NBEA: variants seen among roughly 807,000 people sequenced by gnomAD.
NBEA encodes the protein neurobeachin.
NBEA carries 44 observed loss-of-function variants against 343.4 expected under a neutral mutation model. That is an observed-to-expected ratio of 0.13 (90% CI 0.10 to 0.16). The LOEUF is 0.16. NBEA is among the 10% of genes least tolerant of loss of function. The pLI is 1.00. For synonymous variants in NBEA, 1,175 were observed against 1,238.7 expected (o/e 0.95, Z 1.08); for missense variants, 2,555 against 3,631.3 (o/e 0.70, Z 7.62).
At chr13:34,989,040 T>C (rs1028360575) in intron 1 of NBEA, among the ~76,000 whole-genome samples, 3 of 150,846 alleles carry the variant, frequency 2.0e-5, no homozygotes, top group African/African-American at 7.3e-5. Flanking sequence ...TTTTCTGCCT[T>C]CTTTGGATTA....
chr13:35,271,344 A>G (rs1406386189), intron 34 of NBEA, among the ~76,000 whole-genome samples: 2 of 152,196 alleles, frequency 1.3e-5, no homozygotes, highest in East Asian at 3.9e-4. Flanking sequence ...CCAAAATCCC[A>G]TCCATAGGTC....
chr13:35,353,138 T>TA (rs1022424447), intron 38 of NBEA, among the ~76,000 whole-genome samples: 1 of 152,130 alleles, frequency 6.6e-6, no homozygotes, highest in African/African-American at 2.4e-5. Flanking sequence ...AGAGCCTTGG[T>TA]AAAAATGATT....
intron 38 of NBEA, among the ~76,000 whole-genome samples, chr13:35,377,721 T>C (rs1407127801): frequency 6.6e-6 from 1 of 152,172 alleles, no homozygotes; most frequent in African/African-American, 2.4e-5. Context: ...TACCTTAACA[T>C]CTTGGAAGCA....
intron 36 of NBEA, among the ~76,000 whole-genome samples, chr13:35,331,278 T>C (rs1228187060): frequency 1.3e-5 from 2 of 152,040 alleles, no homozygotes; most frequent in Admixed American, 1.3e-4. Context: ...TCAAAGTCTG[T>C]CTTCTTCACT....
In NBEA at chr13:35,277,773, A is replaced by T. The variant is rs535499053; in HGVS notation, c.5777-12616A>T. Among the ~76,000 whole-genome samples, 410 of 152,056 alleles carry T rather than the reference A, an allele frequency of 2.7e-3. 3 individuals carry two copies. The highest frequency in any genetic ancestry group is 9.2e-3 in the African/African-American group (382 of 41,502). On this transcript the variant is annotated intron_variant, in intron 34 of 58. Transcript: ENST00000379939. ...CTAGTCATTCTTGAAAAAAATTTGA[A>T]TAGAAAGGGACAAAATTAAAATATG...
At position 35,671,844 on chromosome 13, in the gene NBEA, A is replaced by T. The variant is rs2153090332; in HGVS notation, c.*853A>T. 6.5e-6 allele frequency: 1 copy of T among 152,734 alleles called. No homozygotes were observed. Among genetic ancestry groups the T allele is most frequent in the Admixed American group, 6.5e-5 (1 of 15,304 alleles). 9.5% of individuals were successfully genotyped at this position (152,734 alleles called of 1,614,324 possible). A position where few individuals can be genotyped will look rare whatever the true frequency, so the allele number is the denominator to read the frequency against. ...ATGAGGTCCTGGTTTTTCTTGTATA[A>T]ATAGGAGTCATGGGCGTTAGTTCTG... On this transcript the variant is annotated 3_prime_UTR_variant, in exon 59 of 59. Coordinates refer to ENST00000379939, the MANE Select transcript of NBEA (RefSeq NM_001385012.1).
chr13:35,514,720 G>A (rs977292249), intron 41 of NBEA, among the ~76,000 whole-genome samples: 11 of 152,150 alleles, frequency 7.2e-5, no homozygotes, highest in South Asian at 2.1e-4. Context: ...AAAAGAGGTC[G>A]AAAATAAATA....
intron 39 of NBEA, among the ~76,000 whole-genome samples, chr13:35,445,952 G>T (rs1488867876): frequency 6.6e-6 from 1 of 151,284 alleles, no homozygotes; most frequent in Admixed American, 6.6e-5. Flanking sequence ...ATCTCCTAAT[G>T]CTATCCCTCC....
chr13:35,531,371 A>G (rs981371634), intron 41 of NBEA, among the ~76,000 whole-genome samples: 4 of 152,240 alleles, frequency 2.6e-5, no homozygotes, highest in African/African-American at 7.2e-5. Flanking sequence ...TAGATAGAAC[A>G]TGCCCAAATA....
intron 38 of NBEA, among the ~76,000 whole-genome samples, chr13:35,402,094 A>G (rs1212229796): frequency 6.6e-6 from 1 of 152,044 alleles, no homozygotes; most frequent in East Asian, 1.9e-4. Flanking sequence ...TTGGGGAAAT[A>G]GTTTAAAACC....
chr13:35,468,132 G>GCCCC (rs1566176841), intron 40 of NBEA, among the ~76,000 whole-genome samples: 26 of 103,088 alleles, frequency 2.5e-4, no homozygotes, highest in South Asian at 3.3e-4. Context: ...CCCCTCCCCT[G>GCCCC]AAAATGATTA....
intron 40 of NBEA, among the ~76,000 whole-genome samples, chr13:35,458,464 G>A (rs545106123): frequency 2.0e-5 from 3 of 152,262 alleles, no homozygotes; most frequent in Admixed American, 2.0e-4. Context: ...TAGGTAAACT[G>A]GAAAGCTGAG....
intron 17 of NBEA, among the ~76,000 whole-genome samples, chr13:35,136,189 C>T (rs963268304): frequency 1.1e-4 from 16 of 152,248 alleles, no homozygotes; most frequent in African/African-American, 3.9e-4. Flanking sequence ...GGAGTGACTT[C>T]GTAAGTATCC....
intron 49 of NBEA, among the ~76,000 whole-genome samples, chr13:35,634,687 T>C (rs891631864): frequency 2.6e-5 from 4 of 152,222 alleles, no homozygotes; most frequent in Non-Finnish European, 4.4e-5. Context: ...TTTATAGATA[T>C]ACACATTTAT....
At chr13:35,126,858 CA>C (rs1486076670) in intron 17 of NBEA, among the ~76,000 whole-genome samples, 2 of 144,480 alleles carry the variant, frequency 1.4e-5, no homozygotes, top group Non-Finnish European at 3.0e-5. Context: ...GTGGAGGTTG[CA>C]ATGAGCTGAG....
chr13:35,251,406 C>T (rs2031939132), intron 34 of NBEA: 1 of 1,053,644 alleles, frequency 9.5e-7, no homozygotes, highest in Non-Finnish European at 1.1e-6. Context: ...TCTGTCACTA[C>T]AGAGATCCTC....
Position 35,667,768 on chromosome 13 carries a change from A to G in NBEA, c.8661+198A>G, listed in dbSNP as rs376230472. On this transcript the variant is annotated intron_variant, in intron 57 of 58. Transcript: ENST00000379939. Reference sequence around the variant, plus strand: ...TAATTGCAAGTAATTAACTCACTGCATTAGACTTCAGAAATGATAGCTGTT... The same window carrying G: ...TAATTGCAAGTAATTAACTCACTGCGTTAGACTTCAGAAATGATAGCTGTT... 1.9e-4 allele frequency among the ~76,000 whole-genome samples: 29 copies of G among 152,364 alleles called. No individual in the cohort carries two copies. In the East Asian group the frequency reaches 2.3e-3, roughly 12 times the overall value.
At chr13:35,210,295 T>C (rs2073682427) in intron 32 of NBEA, among the ~76,000 whole-genome samples, 1 of 151,984 alleles carries the variant, frequency 6.6e-6, no homozygotes, top group Admixed American at 6.6e-5. Flanking sequence ...TGTGTGTGTG[T>C]ATGTGTGTGT....
At chr13:35,566,741 A>G (rs548746397) in intron 44 of NBEA, among the ~76,000 whole-genome samples, 164 bp from the exon 45 acceptor site, 1 of 152,320 alleles carries the variant, frequency 6.6e-6, no homozygotes, top group South Asian at 2.1e-4. Context: ...TAAAACAATT[A>G]TTGAGTGAAT....
Sources: gnomAD v4.1 joint callset for allele counts (sites outside exome capture counted in the v4.1 genomes callset) on GRCh38, gnomAD v4.1.1 for gene constraint, MANE v1.5 for transcripts, NCBI Gene and HGNC (gene_info 2026-07-23, HGNC 2026-07-21) for gene names.